Variants in PTPRG observed in about 807,000 individuals in gnomAD.
PTPRG encodes protein tyrosine phosphatase receptor type G, also known as receptor-type tyrosine-protein phosphatase gamma.
In PTPRG, 102 loss-of-function variants were observed where a neutral mutation model predicts 165.3. The observed-to-expected ratio is 0.62, with a 90% CI of 0.53 to 0.73. PTPRG has a LOEUF of 0.73. Ranked by LOEUF, PTPRG falls within the 30% of genes least tolerant of loss-of-function variation. The pLI, the probability that PTPRG is intolerant of heterozygous loss-of-function variation, is 0.00. For synonymous variants in PTPRG, 675 were observed against 669.5 expected (o/e 1.01, Z -0.13); for missense variants, 1,866 against 1,861.4 (o/e 1.00, Z -0.05).
intron 1 of PTPRG, among the ~76,000 whole-genome samples, chr3:61,575,712 G>A (rs573714732): frequency 2.0e-5 from 3 of 148,342 alleles, no homozygotes; most frequent in South Asian, 4.2e-4. Context: ...AGTTCTCCCT[G>A]CCTCAGCCTC....
In PTPRG at chr3:62,191,468, G is replaced by T; in HGVS notation, c.1034-1G>T. 1 of 1,613,316 alleles carries T rather than the reference G, an allele frequency of 6.2e-7. No individual in the cohort carries two copies. The highest frequency in any genetic ancestry group is 8.5e-7 in the Non-Finnish European group (1 of 1,179,790). On this transcript the variant is annotated splice_acceptor_variant, in intron 8 of 29. Transcript: ENST00000474889. LOFTEE classifies it high-confidence loss of function. ...CTGAGCTGAGCCCTGTGTATCTTCAGTTTGCAGCTCTCCACCCATCCACAT... is the reference window on the plus strand; with the variant it reads ...CTGAGCTGAGCCCTGTGTATCTTCATTTTGCAGCTCTCCACCCATCCACAT...
At chr3:61,565,119 T>C in intron 1 of PTPRG, among the ~76,000 whole-genome samples, 1 of 152,198 alleles carries the variant, frequency 6.6e-6, no homozygotes, top group East Asian at 1.9e-4. Flanking sequence ...AGTTCTCAGC[T>C]CCTGTTCAGG....
At chr3:61,887,153 TATATATATATATATA>T (rs2038068716) in intron 2 of PTPRG, among the ~76,000 whole-genome samples, 2 of 59,870 alleles carry the variant, frequency 3.3e-5, no homozygotes, top group Non-Finnish European at 1.1e-4. Context: ...TATATATATA[TATATATATATATATA>T]TATTTTTAAT....
intron 4 of PTPRG, among the ~76,000 whole-genome samples, chr3:62,027,233 A>C (rs573953477): frequency 6.6e-6 from 1 of 152,300 alleles, no homozygotes; most frequent in African/African-American, 2.4e-5. Flanking sequence ...AGTGTGGAGA[A>C]GACCTAACTT....
chr3:61,869,062 A>G (rs1452403369), intron 2 of PTPRG, among the ~76,000 whole-genome samples: 3 of 152,078 alleles, frequency 2.0e-5, no homozygotes, highest in Admixed American at 6.5e-5. Context: ...GCCGTTCCCC[A>G]TGGTCTAATC....
intron 1 of PTPRG, among the ~76,000 whole-genome samples, chr3:61,608,437 G>A (rs977900938): frequency 2.6e-5 from 4 of 152,180 alleles, no homozygotes; most frequent in African/African-American, 9.7e-5. Flanking sequence ...GGGCCCTTCC[G>A]TGGAGAGCTG....
rs559218484 is a variant in PTPRG, at chr3:62,181,484, G to A, written c.1034-9985G>A. 1.2e-4 allele frequency among the ~76,000 whole-genome samples: 19 copies of A among 152,092 alleles called. 1 individual carries two copies. Among genetic ancestry groups the A allele is most frequent in the South Asian group, 1.0e-3 (5 of 4,802 alleles). On this transcript the variant is annotated intron_variant, in intron 8 of 29. Coordinates refer to ENST00000474889, the MANE Select transcript of PTPRG (RefSeq NM_002841.4). ...TCTATAAACACCTACTCATTGTTGAGATTTCAGTTCAAACTATGCTCAGTA... is the reference window on the plus strand; with the variant it reads ...TCTATAAACACCTACTCATTGTTGAAATTTCAGTTCAAACTATGCTCAGTA...
chr3:61,660,897 G>T (rs192094029), intron 1 of PTPRG, among the ~76,000 whole-genome samples: 1 of 152,202 alleles, frequency 6.6e-6, no homozygotes, highest in African/African-American at 2.4e-5. Context: ...AGCTACTCAG[G>T]AGGCTGAGGC....
chr3:62,051,940 G>T (rs1458419645), intron 4 of PTPRG, among the ~76,000 whole-genome samples: 1 of 152,116 alleles, frequency 6.6e-6, no homozygotes, highest in Non-Finnish European at 1.5e-5. Context: ...AAATCTGTGT[G>T]TTAATATACC....
intron 1 of PTPRG, among the ~76,000 whole-genome samples, chr3:61,680,210 G>A (rs1004397045): frequency 2.0e-5 from 3 of 152,084 alleles, no homozygotes; most frequent in Non-Finnish European, 4.4e-5. Flanking sequence ...ATTATTAACA[G>A]TGCCCCCTTT....
At chr3:62,023,025 A>G (rs1157963341) in intron 4 of PTPRG, among the ~76,000 whole-genome samples, 1 of 152,156 alleles carries the variant, frequency 6.6e-6, no homozygotes, top group East Asian at 1.9e-4. Flanking sequence ...AAGAAAATAC[A>G]TCACCAATTA....
Position 62,278,974 on chromosome 3 carries a change from A to G in PTPRG, c.3765+1295A>G, listed in dbSNP as rs574028215. On this transcript the variant is annotated intron_variant, in intron 26 of 29. Coordinates refer to ENST00000474889, the MANE Select transcript of PTPRG (RefSeq NM_002841.4). ...GGAGGCTGGAGGGAGACTGGACCAA[A>G]TAAGTGGATACATGTTCTGCAGACA... Among the ~76,000 whole-genome samples, 6 of 152,134 alleles carry G rather than the reference A, an allele frequency of 3.9e-5. No individual in the cohort carries two copies. In the Middle Eastern group the frequency reaches 0.01, roughly 259 times the overall value.
intron 1 of PTPRG, among the ~76,000 whole-genome samples, chr3:61,695,602 G>A (rs764036132): frequency 6.6e-5 from 10 of 152,216 alleles, no homozygotes; most frequent in South Asian, 4.2e-4. Flanking sequence ...GAATTAATTC[G>A]GGATTTTACA....
intron 24 of PTPRG, 48 bp from the exon 25 acceptor site, chr3:62,276,924 T>G (rs1702250235): frequency 1.4e-6 from 2 of 1,423,418 alleles, no homozygotes; most frequent in African/African-American, 1.4e-5. Flanking sequence ...GTTGGTTCTG[T>G]GTGTATAATA....
chr3:61,724,107 T>G (rs1194248468), intron 1 of PTPRG, among the ~76,000 whole-genome samples: 2 of 150,438 alleles, frequency 1.3e-5, no homozygotes, highest in African/African-American at 4.9e-5. Context: ...GCAGTTGGCG[T>G]CTGTAACCCC....
chr3:62,060,072 G>T (rs1019494763), intron 4 of PTPRG, among the ~76,000 whole-genome samples: 19 of 151,876 alleles, frequency 1.3e-4, no homozygotes, highest in African/African-American at 1.9e-4. Flanking sequence ...ACAAAAATTA[G>T]CTGGGCATGA....
intron 3 of PTPRG, among the ~76,000 whole-genome samples, chr3:61,998,934 G>T (rs2041105592): frequency 6.6e-6 from 1 of 152,208 alleles, no homozygotes; most frequent in South Asian, 2.1e-4. Context: ...GAGGCTGGAG[G>T]TCCAAGATTA....
Position 62,157,586 on chromosome 3 carries a change from C to T in PTPRG, c.840+362C>T, listed in dbSNP as rs114663492. On this transcript the variant is annotated intron_variant, in intron 7 of 29. Transcript: ENST00000474889. ...TGACCCATTTCATCTTCATGAACAA[C>T]ACTCTTGTGAGGTAGATGCTATTTG... Among the ~76,000 whole-genome samples the T allele has an allele frequency of 7.5e-3, 1,148 of 152,300 alleles. 14 individuals carry two copies. The highest frequency in any genetic ancestry group is 0.027 in the African/African-American group (1,108 of 41,558).
chr3:61,627,483 A>G (rs1701645214), intron 1 of PTPRG, among the ~76,000 whole-genome samples: 1 of 152,112 alleles, frequency 6.6e-6, no homozygotes, highest in Admixed American at 6.5e-5. Context: ...TATCAGGCCT[A>G]CTTCTTTTTT....
Sources: allele counts gnomAD v4.1 joint callset (sites outside exome capture counted in the v4.1 genomes callset), GRCh38; gene constraint gnomAD v4.1.1; transcripts MANE v1.5; gene names NCBI Gene and HGNC (gene_info 2026-07-23, HGNC 2026-07-21).